KCNT1: variants seen among roughly 807,000 people sequenced by gnomAD.
KCNT1 encodes potassium channel subfamily T member 1.
In KCNT1, 78 loss-of-function variants were observed where a neutral mutation model predicts 147.8. That is an observed-to-expected ratio of 0.53 (90% confidence interval 0.44 to 0.64). KCNT1 has a LOEUF of 0.64. Among genes scored for constraint, KCNT1 ranks in the 30% least tolerant of loss-of-function variants. The probability of loss-of-function intolerance (pLI) is 0.00; values close to 1 mark genes in which losing one functional copy is unlikely to be tolerated. For missense variants in KCNT1, 1,419 were observed against 1,750.3 expected, an observed-to-expected ratio of 0.81 and a Z score of 3.38; for synonymous variants, 867 against 748.8, an observed-to-expected ratio of 1.16 and a Z score of -2.58.
intron 21 of KCNT1, 115 bp from the exon 22 acceptor site, chr9:135,778,309 T>C (rs1833328096): frequency 2.2e-6 from 2 of 903,720 alleles, no homozygotes; most frequent in African/African-American, 3.3e-5. Flanking sequence ...TACGCTGCGG[T>C]TCTGGGGAAC....
chr9:135,742,015 A>G (rs1033206139), intron 2 of KCNT1, among the ~76,000 whole-genome samples: 1 of 152,146 alleles, frequency 6.6e-6, no homozygotes, highest in Non-Finnish European at 1.5e-5. Flanking sequence ...GCAGGTTGCA[A>G]CCACCTTGGT....
chr9:135,736,039 C>T (rs757589953), intron 2 of KCNT1, among the ~76,000 whole-genome samples: 10 of 152,230 alleles, frequency 6.6e-5, no homozygotes, highest in Non-Finnish European at 1.3e-4. Flanking sequence ...TGCCCGGTGC[C>T]CAGCCTGGCA....
intron 2 of KCNT1, among the ~76,000 whole-genome samples, chr9:135,715,910 G>A (rs994898039): frequency 1.3e-5 from 2 of 152,202 alleles, no homozygotes; most frequent in Non-Finnish European, 2.9e-5. Flanking sequence ...ATCAGGGAGT[G>A]AGCGTCCTGC....
At chr9:135,791,970 C>A in intron 30 of KCNT1, 71 bp from the exon 31 acceptor site, 1 of 1,607,728 alleles carries the variant, frequency 6.2e-7, no homozygotes. Flanking sequence ...ACAGTGGGGC[C>A]GCTCAGCAGA....
chr9:135,707,056 G>A (rs888216838), intron 1 of KCNT1, among the ~76,000 whole-genome samples: 6 of 151,644 alleles, frequency 4.0e-5, no homozygotes, highest in Admixed American at 6.6e-5. Context: ...AGGCTAAGGC[G>A]GGAGGATTGT....
chr9:135,751,502 G>A (rs1250835884), intron 4 of KCNT1, among the ~76,000 whole-genome samples: 3 of 152,156 alleles, frequency 2.0e-5, no homozygotes, highest in African/African-American at 7.2e-5. Flanking sequence ...TGGGGCCCAT[G>A]CTCCAGGGAC....
chr9:135,758,828 C>A (rs2131446193), intron 10 of KCNT1, among the ~76,000 whole-genome samples: 1 of 152,352 alleles, frequency 6.6e-6, no homozygotes, highest in Admixed American at 6.5e-5. Context: ...TTGGCTGAGG[C>A]CCAGCTGAAA....
At chr9:135,780,262 T>G (rs1421604761) in intron 24 of KCNT1, among the ~76,000 whole-genome samples, 1 of 152,216 alleles carries the variant, frequency 6.6e-6, no homozygotes, top group African/African-American at 2.4e-5. Flanking sequence ...AGCAATGCTG[T>G]CTGCTCTACA....
chr9:135,727,240 TCC>T (rs1459959503), intron 2 of KCNT1, among the ~76,000 whole-genome samples: 1 of 63,940 alleles, frequency 1.6e-5, no homozygotes, highest in African/African-American at 6.4e-5. Context: ...CCATTCTCTC[TCC>T]CCCTCTCTCT....
chr9:135,728,452 C>G (rs1025133793), intron 2 of KCNT1, among the ~76,000 whole-genome samples: 1 of 152,368 alleles, frequency 6.6e-6, no homozygotes, highest in South Asian at 2.1e-4. Flanking sequence ...CCCCCACAGC[C>G]TCACTGCGGA....
chr9:135,770,816 G>T, intron 17 of KCNT1, 41 bp from the exon 18 acceptor site: 1 of 1,514,584 alleles, frequency 6.6e-7, no homozygotes, highest in Non-Finnish European at 9.0e-7. Context: ...GGACAGGGCG[G>T]GTGAGCGGCG....
intron 1 of KCNT1, among the ~76,000 whole-genome samples, chr9:135,705,762 T>A (rs1295619709): frequency 6.6e-6 from 1 of 151,696 alleles, no homozygotes; most frequent in Non-Finnish European, 1.5e-5. Context: ...CCCAGGGAGG[T>A]GAGACCAGTA....
At chr9:135,746,986 C>T (rs1830863788) in intron 2 of KCNT1, among the ~76,000 whole-genome samples, 2 of 152,022 alleles carry the variant, frequency 1.3e-5, no homozygotes, top group Non-Finnish European at 2.9e-5. Context: ...AGAATTCTGC[C>T]TCGGGGAGGG....
intron 17 of KCNT1, 115 bp downstream of exon 17, chr9:135,770,562 G>T: frequency 7.6e-7 from 1 of 1,323,524 alleles, no homozygotes; most frequent in Non-Finnish European, 1.0e-6. Flanking sequence ...CAGAGGGCTC[G>T]GGGGAGGGCA....
At position 135,772,828 on chromosome 9, in the gene KCNT1, C is replaced by A. The variant is rs892635002; in HGVS notation, c.2122C>A (p.Pro708Thr). 3.3e-6 allele frequency: 5 copies of A among 1,530,480 alleles called. No homozygotes were observed. In the African/African-American group the frequency reaches 5.5e-5, roughly 17 times the overall value. The allele number at this position is 1,530,480 out of a possible 1,614,324, so 94.8% of individuals were successfully genotyped here. A position where few individuals can be genotyped will look rare whatever the true frequency, so the allele number is the denominator to read the frequency against. The change falls in exon 19 of 31, where the codon CCC becomes ACC. Residue 708 changes from proline to threonine, a missense_variant. Physicochemically the swap from Pro to Thr is conservative, Grantham distance 38 (BLOSUM62 -1). Around this residue, in one of 5 missense-constraint regions of KCNT1, gnomAD observed 284 missense variants for 292.8 expected, o/e 0.97. Coordinates refer to ENST00000371757, the MANE Select transcript of KCNT1 (RefSeq NM_020822.3). ...PTENGSGSRR[P>T]SIAPVLELAD... ...GGAGAACGGCTCGGGCAGCCGGCGG[C>A]CCAGCATCGCGCCCGTCCTGGAACT...
At chr9:135,766,282 G>C (rs1166874358) in intron 13 of KCNT1, among the ~76,000 whole-genome samples, 1 of 141,716 alleles carries the variant, frequency 7.1e-6, no homozygotes, top group Non-Finnish European at 1.6e-5. Context: ...GACCATCTAG[G>C]GTAGACTGTC....
intron 11 of KCNT1, among the ~76,000 whole-genome samples, chr9:135,760,146 C>T (rs988396313): frequency 1.3e-5 from 2 of 152,116 alleles, no homozygotes; most frequent in East Asian, 1.9e-4. Context: ...CCTCCCAGGC[C>T]CAGGCAGAGT....
chr9:135,745,310 C>T (rs944506650), intron 2 of KCNT1, among the ~76,000 whole-genome samples: 1 of 152,130 alleles, frequency 6.6e-6, no homozygotes, highest in African/African-American at 2.4e-5. Context: ...CCTCTCAGGG[C>T]GTTCCACCGA....
chr9:135,751,061 G>A lies in KCNT1; in HGVS notation c.434+20G>A, dbSNP rs773820998. The A allele has an allele frequency of 1.6e-5, 25 of 1,600,858 alleles. No homozygotes were observed. The highest frequency in any genetic ancestry group is 1.1e-4 in the South Asian group (10 of 90,862). ...CGGATGGTGGGCCACGTGCGCGGCC[G>A]GGCGCGGGGTCCCGGGTCCCAGGGC... On this transcript the variant is annotated intron_variant, in intron 4 of 30. Transcript: ENST00000371757.
Sources: allele counts gnomAD v4.1 joint callset (sites outside exome capture counted in the v4.1 genomes callset), GRCh38; gene constraint gnomAD v4.1.1; regional missense constraint gnomAD v4.1.1; transcripts MANE v1.5; gene names NCBI Gene and HGNC (gene_info 2026-07-23, HGNC 2026-07-21).